CTR9: variants seen among roughly 807,000 people sequenced by gnomAD.
The protein encoded by CTR9 is CTR9 component of Paf1/RNA polymerase II complex.
CTR9 carries 41 observed loss-of-function variants against 152.1 expected under a neutral mutation model. The observed-to-expected ratio is 0.27, with a 90% confidence interval of 0.21 to 0.35. The LOEUF is 0.35. CTR9 is among the 10% of genes least tolerant of loss of function. The pLI, the probability that CTR9 is intolerant of heterozygous loss-of-function variation, is 1.00. For missense variants in CTR9, 917 were observed against 1,424.4 expected (o/e 0.64, Z 5.73); for synonymous variants, 476 against 496.2 (o/e 0.96, Z 0.54).
Position 10,760,158 on chromosome 11 carries a change from G to T in CTR9, c.593-15G>T. ...AATGCCCTAGTTTGATAGATTGAAT[G>T]ACTTCATTTTATAGCGGAAGTTCGT... is the stretch of plus-strand genomic sequence containing the variant. On this transcript the variant is annotated splice_polypyrimidine_tract_variant and intron_variant, in intron 5 of 24. Transcript: ENST00000361367. 6.2e-7 allele frequency: 1 copy of T among 1,610,684 alleles called. No homozygotes were observed. The highest frequency in any genetic ancestry group is 1.1e-5 in the South Asian group (1 of 90,742).
intron 7 of CTR9, 141 bp downstream of exon 7, chr11:10,762,195 T>C (rs987962353): frequency 1.6e-6 from 1 of 611,152 alleles, no homozygotes. Context: ...GTTGTATTAG[T>C]TACCTGGGGG....
Position 10,767,658 on chromosome 11 carries a change from C to CAAAAAA in CTR9, c.1687-142_1687-137dup. 1.7e-6 allele frequency: 1 copy of CAAAAAA among 579,554 alleles called. No individual in the cohort carries two copies. Among genetic ancestry groups the CAAAAAA allele is most frequent in the African/African-American group, 2.1e-5 (1 of 47,812 alleles). 35.9% of individuals were successfully genotyped at this position (579,554 alleles called of 1,614,324 possible). A position where few individuals can be genotyped will look rare whatever the true frequency, so the allele number is the denominator to read the frequency against. ...AGTTCGATAAATTTGGATTGCCATG[C>CAAAAAA]AAAAAAAAAAAGAAAGAAAGAAAAG... On this transcript the variant is annotated intron_variant, in intron 13 of 24. Coordinates refer to ENST00000361367, the MANE Select transcript of CTR9 (RefSeq NM_014633.5). The surrounding 1 kb of genome is among the most constrained non-coding windows in gnomAD (Gnocchi z 4.0).
chr11:10,765,799 A>G (rs1863050478), intron 12 of CTR9, among the ~76,000 whole-genome samples: 1 of 152,192 alleles, frequency 6.6e-6, no homozygotes, highest in East Asian at 1.9e-4. Flanking sequence ...TCATGCTGTT[A>G]TGGATGCAAA....
At chr11:10,772,237 C>A (rs763656405) in intron 19 of CTR9, among the ~76,000 whole-genome samples, 1 of 151,966 alleles carries the variant, frequency 6.6e-6, no homozygotes, top group Non-Finnish European at 1.5e-5. Context: ...CACCTGTAAT[C>A]CCAGCTACTC....
intron 24 of CTR9, among the ~76,000 whole-genome samples, chr11:10,776,798 C>A (rs1863242184): frequency 2.0e-5 from 3 of 151,770 alleles, no homozygotes; most frequent in Admixed American, 2.0e-4. Flanking sequence ...CATGGCAAAA[C>A]CCCATCCCTA....
At chr11:10,775,121 G>C in intron 22 of CTR9, 86 bp from the exon 23 acceptor site, 1 of 1,054,076 alleles carries the variant, frequency 9.5e-7, no homozygotes, top group Non-Finnish European at 1.4e-6. Flanking sequence ...AGAGGATTCA[G>C]AATGAATAAT....
chr11:10,753,124 A>G (rs1036972597), intron 2 of CTR9, among the ~76,000 whole-genome samples: 4 of 152,206 alleles, frequency 2.6e-5, no homozygotes, highest in African/African-American at 9.6e-5. Flanking sequence ...ATTGTTTCCT[A>G]TAACAACAAA....
Position 10,770,571 on chromosome 11 carries a change from G to A in CTR9, c.2311G>A (p.Asp771Asn). The stretch of plus-strand genomic sequence containing the variant: ...AAGATTAGCTACCTCTGTCCTGAAA[G>A]ATGAAAAAAGTAATCTGAAGGAAGT... ...LQRLATSVLK[D>N]EKSNLKEVLN... The change falls in exon 18 of 25, where the codon GAT becomes AAT. Residue 771 changes from aspartate to asparagine, a missense_variant. Asp to Asn is a conservative substitution (Grantham distance 23, BLOSUM62 1). This residue lies in a region of CTR9 where 106 missense variants were observed against 157.8 expected (regional missense o/e 0.67). Transcript: ENST00000361367. 1 of 1,613,744 alleles carries A rather than the reference G, an allele frequency of 6.2e-7. No homozygotes were observed. The highest frequency in any genetic ancestry group is 8.5e-7 in the Non-Finnish European group (1 of 1,179,888).
chr11:10,757,828 G>C (rs1862910642), intron 5 of CTR9, among the ~76,000 whole-genome samples: 1 of 152,094 alleles, frequency 6.6e-6, no homozygotes, highest in African/African-American at 2.4e-5. Context: ...TAAGAGCCAA[G>C]GAGAAGAATA....
Position 10,756,755 on chromosome 11 carries a change from C to T in CTR9, c.509C>T (p.Ala170Val). 2 of 1,609,244 alleles carry T rather than the reference C, an allele frequency of 1.2e-6. No homozygotes were observed. Among genetic ancestry groups the T allele is most frequent in the East Asian group, 2.2e-5 (1 of 44,802 alleles). The change falls in exon 5 of 25, where the codon GCT (alanine) becomes GTT (valine). Residue 170 changes from alanine to valine, a missense_variant. Transcript: ENST00000361367. ...TTTTTAAAAATCATTACAGGTAAAG[C>T]TTGCATTTCCTTCAACAAGAAGGAT... is the stretch of plus-strand genomic sequence containing the variant. ...PNNIPALLGK[A>V]CISFNKKDYR...
intron 3 of CTR9, 111 bp downstream of exon 3, chr11:10,755,308 T>G (rs1266960104): frequency 1.8e-5 from 23 of 1,258,422 alleles, no homozygotes; most frequent in Non-Finnish European, 2.5e-5. Flanking sequence ...GTAACATGGT[T>G]GATAGAGTCA....
chr11:10,761,824 C>A, intron 6 of CTR9, 123 bp from the exon 7 acceptor site: 1 of 528,970 alleles, frequency 1.9e-6, no homozygotes, highest in Non-Finnish European at 3.3e-6. Flanking sequence ...TAAGAAGCTT[C>A]TAATCCGTTT....
rs1863077586 is a variant in CTR9, at chr11:10,767,479, T to C, written c.1687-327T>C. On this transcript the variant is annotated intron_variant, in intron 13 of 24. Transcript: ENST00000361367. This position sits in a 1 kb window ranked among gnomAD's most constrained non-coding sequence, Gnocchi z 4.0. The stretch of plus-strand genomic sequence containing the variant: ...TGCCTTGTTGCTTTGTATGCATTTA[T>C]GTCTGGATGTAAAGATTGTGTGTCT... 4.4e-6 allele frequency: 1 copy of C among 228,752 alleles called. No homozygotes were observed. The highest frequency in any genetic ancestry group is 2.3e-5 in the African/African-American group (1 of 43,486). 14.2% of individuals were successfully genotyped at this position (228,752 alleles called of 1,614,324 possible).
chr11:10,751,937 C>T (rs1326556618), intron 1 of CTR9, among the ~76,000 whole-genome samples: 1 of 152,140 alleles, frequency 6.6e-6, no homozygotes, highest in Non-Finnish European at 1.5e-5. Flanking sequence ...TACACCAACT[C>T]TCCTTCAACG....
At chr11:10,775,455 AC>A in intron 23 of CTR9, 65 bp from the exon 24 acceptor site, 1 of 1,443,980 alleles carries the variant, frequency 6.9e-7, no homozygotes, top group Non-Finnish European at 9.6e-7. Flanking sequence ...TGTAATGCAA[AC>A]CCAATTTAAC....
chr11:10,766,508 T>G lies in CTR9; in HGVS notation c.1686+18T>G. On this transcript the variant is annotated intron_variant, in intron 13 of 24. Transcript: ENST00000361367. ...TTAATCAGGTTGGTAATATTAACTC[T>G]TAGGTTTGAGAAATAATTATTTTCA... 2.7e-6 allele frequency: 4 copies of G among 1,507,616 alleles called. No individual in the cohort carries two copies. Among genetic ancestry groups the G allele is most frequent in the Non-Finnish European group, 2.7e-6 (3 of 1,111,684 alleles). 93.4% of individuals were successfully genotyped at this position (1,507,616 alleles called of 1,614,324 possible).
Position 10,778,967 on chromosome 11 carries a change from C to T in CTR9, c.3384C>T (p.Ala1128=), listed in dbSNP as rs906426461. ...ENDSRPASPS[A]ESDHESERGS... ...ACTCTCGCCCAGCTTCTCCAAGTGC[C>T]GAATCAGATCACGAATCGGAGAGAG... The change falls in exon 25 of 25, where the codon GCC becomes GCT. Residue 1128 remains alanine (A), a synonymous_variant. Coordinates refer to ENST00000361367, the MANE Select transcript of CTR9 (RefSeq NM_014633.5). 6.2e-6 allele frequency: 10 copies of T among 1,613,922 alleles called. No homozygotes were observed. The highest frequency in any genetic ancestry group is 2.2e-5 in the East Asian group (1 of 44,890).
chr11:10,765,395 A>G (rs1401927797), intron 12 of CTR9, among the ~76,000 whole-genome samples: 1 of 152,078 alleles, frequency 6.6e-6, no homozygotes, highest in Non-Finnish European at 1.5e-5. Flanking sequence ...TTGTTTTTGT[A>G]CTTTCTTTAA....
intron 5 of CTR9, among the ~76,000 whole-genome samples, chr11:10,758,433 G>C (rs902044368): frequency 6.6e-6 from 1 of 152,202 alleles, no homozygotes; most frequent in Admixed American, 6.5e-5. Context: ...ATTTTGAAAG[G>C]AGAGCTGATG....
Sources: gnomAD v4.1 joint callset for allele counts (sites outside exome capture counted in the v4.1 genomes callset) on GRCh38, gnomAD v4.1.1 for gene constraint, gnomAD v4.1.1 regional missense constraint, Gnocchi (gnomAD v3.1) non-coding constraint, MANE v1.5 for transcripts, NCBI Gene and HGNC (gene_info 2026-07-23, HGNC 2026-07-21) for gene names.